Variants in PDE4D observed in about 807,000 individuals in gnomAD.
PDE4D encodes 3',5'-cyclic-AMP phosphodiesterase 4D.
Under a neutral mutation model 87.4 loss-of-function variants are expected in PDE4D, and 24 were observed. The ratio of observed to expected loss-of-function variants is 0.27; its 90% CI spans 0.20 to 0.39. The LOEUF is 0.39. Among genes scored for constraint, PDE4D ranks in the 10% least tolerant of loss-of-function variants. PDE4D has a pLI of 1.00. For missense variants in PDE4D, 714 were observed against 1,041.0 expected (o/e 0.69, Z 4.32); for synonymous variants, 384 against 383.2 (o/e 1.00, Z -0.02).
At chr5:60,065,525 A>G (rs1304236683) in intron 2 of PDE4D, among the ~76,000 whole-genome samples, 2 of 151,756 alleles carry the variant, frequency 1.3e-5, no homozygotes, top group Non-Finnish European at 2.9e-5. Flanking sequence ...CCATGCTGGT[A>G]TGCTGTACCC....
At chr5:60,299,254 T>C (rs1030610182) in intron 1 of PDE4D, among the ~76,000 whole-genome samples, 2 of 152,210 alleles carry the variant, frequency 1.3e-5, no homozygotes, top group African/African-American at 2.4e-5. Flanking sequence ...GGATAATCAA[T>C]TCCATAATCT....
At chr5:59,451,942 C>T (rs956199009) in intron 1 of PDE4D, among the ~76,000 whole-genome samples, 6 of 152,212 alleles carry the variant, frequency 3.9e-5, no homozygotes, top group African/African-American at 1.4e-4. Flanking sequence ...AAATATGCCT[C>T]ATTTTCCTTC....
intron 2 of PDE4D, among the ~76,000 whole-genome samples, chr5:60,053,803 A>T (rs1319785171): frequency 6.6e-6 from 1 of 152,222 alleles, no homozygotes; most frequent in Non-Finnish European, 1.5e-5. Context: ...AAGGTCTAAC[A>T]TCTAGAATCT....
At chr5:59,700,167 G>C (rs1752361296) in intron 1 of PDE4D, among the ~76,000 whole-genome samples, 2 of 152,168 alleles carry the variant, frequency 1.3e-5, no homozygotes, top group African/African-American at 2.4e-5. Flanking sequence ...AAAACATTCA[G>C]AACTGCAGGG....
At chr5:59,900,602 C>T (rs2152762147) in intron 3 of PDE4D, among the ~76,000 whole-genome samples, 1 of 152,220 alleles carries the variant, frequency 6.6e-6, no homozygotes, top group Non-Finnish European at 1.5e-5. Context: ...TTACCAAATC[C>T]CTCAGAAGAT....
chr5:59,151,546 A>G (rs1401220955), intron 5 of PDE4D, among the ~76,000 whole-genome samples: 1 of 152,158 alleles, frequency 6.6e-6, no homozygotes. Context: ...GAACATCAAC[A>G]ATAACCTAAT....
At chr5:60,337,388 T>C (rs55941459) in intron 1 of PDE4D, among the ~76,000 whole-genome samples, 18,705 of 89,076 alleles carry the variant, frequency 0.21, 4,081 homozygotes, top group African/African-American at 0.55. Flanking sequence ...TATATATATA[T>C]ACACACACAC....
intron 1 of PDE4D, among the ~76,000 whole-genome samples, chr5:59,817,077 G>A (rs1314157677): frequency 1.3e-5 from 2 of 152,178 alleles, no homozygotes; most frequent in African/African-American, 4.8e-5. Context: ...GGGAACACTA[G>A]TGTGCTGCTC....
intron 1 of PDE4D, among the ~76,000 whole-genome samples, chr5:60,271,528 G>T (rs1750805019): frequency 6.6e-6 from 1 of 152,088 alleles, no homozygotes; most frequent in African/African-American, 2.4e-5. Context: ...TAAGTGAGAG[G>T]AAAATTGACT....
intron 1 of PDE4D, among the ~76,000 whole-genome samples, chr5:59,592,820 T>A (rs1351629698): frequency 6.6e-6 from 1 of 152,086 alleles, no homozygotes; most frequent in Non-Finnish European, 1.5e-5. Flanking sequence ...GTGTATACCA[T>A]CTTGGAGTCC....
At chr5:60,347,441 A>G (rs1446100110) in intron 1 of PDE4D, among the ~76,000 whole-genome samples, 1 of 152,174 alleles carries the variant, frequency 6.6e-6, no homozygotes, top group Non-Finnish European at 1.5e-5. Flanking sequence ...GGGGACTGAC[A>G]TGATCTAAAG....
At chr5:59,936,402 CT>C (rs1756585124) in intron 3 of PDE4D, among the ~76,000 whole-genome samples, 1 of 152,098 alleles carries the variant, frequency 6.6e-6, no homozygotes, top group African/African-American at 2.4e-5. Flanking sequence ...CCATTCTAGA[CT>C]CCCTGATCAG....
At chr5:60,327,169 A>G (rs1431845301) in intron 1 of PDE4D, among the ~76,000 whole-genome samples, 6 of 152,072 alleles carry the variant, frequency 3.9e-5, no homozygotes, top group Non-Finnish European at 8.8e-5. Flanking sequence ...TAACTTTTAC[A>G]TGACACAGGA....
chr5:59,261,907 T>G (rs1762071957), intron 1 of PDE4D, among the ~76,000 whole-genome samples: 1 of 151,856 alleles, frequency 6.6e-6, no homozygotes, highest in African/African-American at 2.4e-5. Context: ...AAAGAAAATA[T>G]CTCTCTAACC....
chr5:59,472,353 G>T (rs1802585624), intron 1 of PDE4D, among the ~76,000 whole-genome samples: 1 of 152,178 alleles, frequency 6.6e-6, no homozygotes, highest in Non-Finnish European at 1.5e-5. Context: ...AAAGAAGAGA[G>T]AGTGGAAAGG....
intron 3 of PDE4D, among the ~76,000 whole-genome samples, chr5:59,915,782 AG>A (rs557020977): frequency 1.3e-3 from 195 of 152,304 alleles, no homozygotes; most frequent in African/African-American, 4.5e-3. Flanking sequence ...ATTTTTCTAA[AG>A]GTAATTTTCA....
intron 1 of PDE4D, among the ~76,000 whole-genome samples, chr5:59,360,302 G>C (rs966307302): frequency 6.6e-6 from 1 of 152,144 alleles, no homozygotes; most frequent in African/African-American, 2.4e-5. Flanking sequence ...TTACATCAGT[G>C]GGGTTGCGTT....
intron 1 of PDE4D, chr5:60,521,496 C>T (rs1451346461): frequency 6.6e-6 from 1 of 152,080 alleles, no homozygotes; most frequent in African/African-American, 2.4e-5. Context: ...AAAGGCAGAA[C>T]ACTAGGGCTT....
chr5:59,951,185 C>A lies in PDE4D; in HGVS notation c.272+37303G>T, dbSNP rs546576852. ...AAGAAAAAAGAACTAAGGAATATTT[C>A]TTTGGGATTATAAAGAGTAAAGATT... On this transcript the variant is annotated intron_variant, in intron 3 of 16. Coordinates refer to the PDE4D transcript ENST00000502484. Among the ~76,000 whole-genome samples the A allele has an allele frequency of 1.2e-4, 18 of 152,092 alleles. No homozygotes were observed. The East Asian group carries it at 3.5e-3, about 29-fold the overall frequency.
Sources: allele counts gnomAD v4.1 joint callset (sites outside exome capture counted in the v4.1 genomes callset), GRCh38; gene constraint gnomAD v4.1.1; transcripts MANE v1.5; gene names NCBI Gene and HGNC (gene_info 2026-07-23, HGNC 2026-07-21).